The following SLC44A1 variants were observed in gnomAD, a reference collection of about 807,000 sequenced individuals.
SLC44A1 encodes choline transporter-like protein 1.
A neutral mutation model predicts 79.3 loss-of-function variants in SLC44A1; 26 were observed. The observed-to-expected ratio is 0.33, with a 90% confidence interval of 0.24 to 0.46. SLC44A1 has a LOEUF of 0.46. SLC44A1 is among the 20% of genes least tolerant of loss of function. The probability of loss-of-function intolerance (pLI) is 1.00; values close to 1 mark genes in which losing one functional copy is unlikely to be tolerated. For missense variants in SLC44A1, 688 were observed against 798.1 expected (o/e 0.86, Z 1.66); for synonymous variants, 263 against 286.2 (o/e 0.92, Z 0.82).
chr9:105,391,624 A>G lies in SLC44A1; in HGVS notation c.*2568A>G, dbSNP rs1222792023. On this transcript the variant is annotated 3_prime_UTR_variant, in exon 16 of 16. Coordinates refer to ENST00000374720, the MANE Select transcript of SLC44A1 (RefSeq NM_080546.5). Reference sequence around the variant, plus strand: ...AGCCTCACAGAGGATTTTAAGCAATATTTAAATGTGTTGAGGTTATGTTTG... The same window carrying G: ...AGCCTCACAGAGGATTTTAAGCAATGTTTAAATGTGTTGAGGTTATGTTTG... 1.0e-6 allele frequency: 1 copy of G among 985,236 alleles called. No homozygotes were observed. The highest frequency in any genetic ancestry group is 1.7e-5 in the African/African-American group (1 of 57,238). 61.0% of individuals were successfully genotyped at this position (985,236 alleles called of 1,614,324 possible). A position where few individuals can be genotyped will look rare whatever the true frequency, so the allele number is the denominator to read the frequency against.
intron 15 of SLC44A1, among the ~76,000 whole-genome samples, chr9:105,408,998 T>C (rs1440179584): frequency 6.6e-6 from 1 of 152,052 alleles, no homozygotes; most frequent in Non-Finnish European, 1.5e-5. Context: ...AGAATCAAAA[T>C]AATACACTAG....
rs529238739 is a variant in SLC44A1 at position 105,346,257 on chromosome 9, A to G, written c.407-2101A>G. Among the ~76,000 whole-genome samples the G allele has an allele frequency of 9.1e-4, 139 of 152,266 alleles. 1 individual carries two copies. The highest frequency in any genetic ancestry group is 3.1e-3 in the African/African-American group (128 of 41,572). ...TATTTAGTACTGGCCTGTGTCCTAG[A>G]ATACCATCAGAGATAAGGCTATTAT... On this transcript the variant is annotated intron_variant, in intron 4 of 15. Coordinates refer to ENST00000374720, the MANE Select transcript of SLC44A1 (RefSeq NM_080546.5).
At chr9:105,264,711 A>G (rs188524579) in intron 1 of SLC44A1, among the ~76,000 whole-genome samples, 33 of 152,082 alleles carry the variant, frequency 2.2e-4, no homozygotes, top group African/African-American at 7.2e-5. Flanking sequence ...GATCTCTCCC[A>G]TACCTCCAAA....
rs996496481 is a variant in SLC44A1 at position 105,391,082 on chromosome 9, G to T, written c.*2026G>T. The T allele has an allele frequency of 1.7e-5, 17 of 985,708 alleles. No homozygotes were observed. In the Admixed American group the frequency reaches 8.0e-4, roughly 46 times the overall value. The allele number at this position is 985,708 out of a possible 1,614,324, so 61.1% of individuals were successfully genotyped here. ...GGAACTAAATTTAGAATTGGCAAAAGTCTAGAAGATGGGTATCAAAACAGA... is the reference window on the plus strand; with the variant it reads ...GGAACTAAATTTAGAATTGGCAAAATTCTAGAAGATGGGTATCAAAACAGA... On this transcript the variant is annotated 3_prime_UTR_variant, in exon 16 of 16. Transcript: ENST00000374720.
chr9:105,309,596 G>C, intron 2 of SLC44A1, 128 bp from the exon 3 acceptor site: 3 of 760,840 alleles, frequency 3.9e-6, no homozygotes, highest in Non-Finnish European at 6.4e-6. Flanking sequence ...GTGGAATAGT[G>C]TTTGCAGTAA....
At chr9:105,314,010 C>T (rs929513533) in intron 3 of SLC44A1, among the ~76,000 whole-genome samples, 9 of 152,032 alleles carry the variant, frequency 5.9e-5, no homozygotes, top group Non-Finnish European at 1.2e-4. Context: ...GCAATCTGTC[C>T]ACCTCGACCT....
intron 1 of SLC44A1, among the ~76,000 whole-genome samples, chr9:105,252,896 T>G (rs536273168): frequency 6.6e-6 from 1 of 152,362 alleles, no homozygotes; most frequent in Non-Finnish European, 1.5e-5. Context: ...TGTGTAAAAT[T>G]TAGTAATTTT....
chr9:105,257,638 G>A (rs1235657829), intron 1 of SLC44A1, among the ~76,000 whole-genome samples: 1 of 152,210 alleles, frequency 6.6e-6, no homozygotes. Flanking sequence ...GAAACCAAGA[G>A]AGGAAAGAAT....
chr9:105,435,402 G>C (rs1829451040), intron 15 of SLC44A1, among the ~76,000 whole-genome samples: 1 of 152,110 alleles, frequency 6.6e-6, no homozygotes. Flanking sequence ...AGTGGAACTG[G>C]TTTTATAGGT....
intron 1 of SLC44A1, among the ~76,000 whole-genome samples, chr9:105,267,437 T>C (rs1367642529): frequency 6.6e-6 from 1 of 152,202 alleles, no homozygotes; most frequent in African/African-American, 2.4e-5. Context: ...TCTTGGATTT[T>C]TTTCCCCCCA....
At chr9:105,314,172 AGT>A (rs778122703) in intron 3 of SLC44A1, among the ~76,000 whole-genome samples, 3 of 152,098 alleles carry the variant, frequency 2.0e-5, no homozygotes, top group East Asian at 3.8e-4. Flanking sequence ...TGAATTAGTG[AGT>A]GTGTGGACTG....
chr9:105,288,884 C>T (rs993273758), intron 1 of SLC44A1, among the ~76,000 whole-genome samples: 2 of 152,138 alleles, frequency 1.3e-5, no homozygotes, highest in African/African-American at 4.8e-5. Flanking sequence ...GGGTGTATGA[C>T]CAAATATGTT....
At chr9:105,385,304 G>A (rs1828596680) in intron 14 of SLC44A1, 118 bp from the exon 15 acceptor site, 1 of 714,728 alleles carries the variant, frequency 1.4e-6, no homozygotes, top group Non-Finnish European at 2.4e-6. Flanking sequence ...TTATTGCTAT[G>A]TTTTTAAGCC....
At chr9:105,364,470 G>T in intron 9 of SLC44A1, 85 bp from the exon 10 acceptor site, 1 of 1,112,986 alleles carries the variant, frequency 9.0e-7, no homozygotes, top group South Asian at 1.5e-5. Flanking sequence ...GCTTGGGGTA[G>T]GGACCTATTG....
chr9:105,273,024 C>A (rs1830112688), intron 1 of SLC44A1, among the ~76,000 whole-genome samples: 1 of 151,030 alleles, frequency 6.6e-6, no homozygotes, highest in Non-Finnish European at 1.5e-5. Context: ...TGAAGTCTTG[C>A]TCTGTCACCC....
chr9:105,402,958 T>G (rs1309698003), intron 15 of SLC44A1, among the ~76,000 whole-genome samples: 2 of 146,430 alleles, frequency 1.4e-5, no homozygotes, highest in East Asian at 3.9e-4. Context: ...ACTACAGGCA[T>G]GCACCTTCAC....
At chr9:105,404,650 T>C (rs1485447964) in intron 15 of SLC44A1, among the ~76,000 whole-genome samples, 1 of 152,222 alleles carries the variant, frequency 6.6e-6, no homozygotes, top group Non-Finnish European at 1.5e-5. Flanking sequence ...ACTTAGGGGA[T>C]AGGAATATGC....
chr9:105,260,147 G>C (rs528716675), intron 1 of SLC44A1, among the ~76,000 whole-genome samples: 3 of 152,108 alleles, frequency 2.0e-5, no homozygotes, highest in East Asian at 3.9e-4. Context: ...CCAAAAAAAG[G>C]GTTCTGAGGT....
At chr9:105,327,013 C>T (rs180710793) in intron 3 of SLC44A1, among the ~76,000 whole-genome samples, 3 of 152,146 alleles carry the variant, frequency 2.0e-5, no homozygotes, top group Non-Finnish European at 2.9e-5. Context: ...ATGTCCTAAC[C>T]GTTTAGTCTG....
Sources: gnomAD v4.1 joint callset for allele counts (sites outside exome capture counted in the v4.1 genomes callset) on GRCh38, gnomAD v4.1.1 for gene constraint, MANE v1.5 for transcripts, NCBI Gene and HGNC (gene_info 2026-07-23, HGNC 2026-07-21) for gene names.